STXBP4: variants seen among roughly 807,000 people sequenced by gnomAD.
STXBP4 encodes syntaxin-binding protein 4.
A neutral mutation model predicts 76.1 loss-of-function variants in STXBP4; 55 were observed. That is an observed-to-expected ratio of 0.72 (90% CI 0.58 to 0.91). The LOEUF is 0.91. Among genes scored for constraint, STXBP4 ranks in the 40% least tolerant of loss-of-function variants. The probability of loss-of-function intolerance (pLI) is 0.00; values close to 1 mark genes in which losing one functional copy is unlikely to be tolerated. For synonymous variants in STXBP4, 201 were observed against 220.2 expected, an observed-to-expected ratio of 0.91 and a Z score of 0.77; for missense variants, 618 against 636.9, an observed-to-expected ratio of 0.97 and a Z score of 0.32.
At chr17:55,127,992 ATT>A in intron 16 of STXBP4, among the ~76,000 whole-genome samples, 1 of 152,296 alleles carries the variant, frequency 6.6e-6, no homozygotes, top group East Asian at 1.9e-4. Flanking sequence ...CATTTCTAAA[ATT>A]GTATGTCTAT....
Position 55,000,230 on chromosome 17 carries a change from A to G in STXBP4, c.498+388A>G, listed in dbSNP as rs187101405. On this transcript the variant is annotated intron_variant, in intron 6 of 17. Coordinates refer to ENST00000376352, the MANE Select transcript of STXBP4 (RefSeq NM_178509.6). ...TTGTTCCTTAGCTTCTTTCCCACAC[A>G]GTGAGGCTAATCCCAGGCATCCAAT... The G allele has an allele frequency of 6.0e-3, 5,943 of 985,338 alleles. 24 individuals are homozygous for G. The highest frequency in any genetic ancestry group is 8.5e-3 in the Admixed American group (139 of 16,272). The allele number at this position is 985,338 out of a possible 1,614,324, so 61.0% of individuals were successfully genotyped here.
intron 11 of STXBP4, chr17:55,043,758 A>G: frequency 2.0e-6 from 2 of 1,007,068 alleles, no homozygotes; most frequent in Non-Finnish European, 2.9e-6. Flanking sequence ...TGGAATTAAT[A>G]TTATTTTAGA....
rs59653900 is a variant in STXBP4 at position 55,145,735 on chromosome 17, C to CTG, written c.1547+4382_1547+4383dup. 7.4e-3 allele frequency among the ~76,000 whole-genome samples: 1,116 copies of CTG among 151,278 alleles called. 14 individuals carry two copies. Among genetic ancestry groups the CTG allele is most frequent in the African/African-American group, 0.025 (1,029 of 41,314 alleles). On this transcript the variant is annotated intron_variant, in intron 17 of 17. Coordinates refer to ENST00000376352, the MANE Select transcript of STXBP4 (RefSeq NM_178509.6). ...TATATCTCTGTGTGTGTGTATGTTT[C>CTG]TGTGTGTGTGTGTGTACCAATGTAT...
intron 16 of STXBP4, among the ~76,000 whole-genome samples, chr17:55,087,960 T>A (rs2079360227): frequency 6.6e-6 from 1 of 152,186 alleles, no homozygotes; most frequent in African/African-American, 2.4e-5. Context: ...CATTTTATAG[T>A]TTTCCTTATA....
At chr17:54,982,005 T>A (rs1169809681) in intron 1 of STXBP4, among the ~76,000 whole-genome samples, 2 of 152,144 alleles carry the variant, frequency 1.3e-5, no homozygotes, top group African/African-American at 2.4e-5. Context: ...CAAACGTTAT[T>A]TAGTATACCA....
chr17:55,121,630 A>G (rs943462814), intron 16 of STXBP4, among the ~76,000 whole-genome samples: 7 of 152,072 alleles, frequency 4.6e-5, no homozygotes, highest in Non-Finnish European at 7.3e-5. Flanking sequence ...TTTGTAATCT[A>G]TGGCAGACTT....
intron 16 of STXBP4, among the ~76,000 whole-genome samples, chr17:55,132,020 G>T (rs901197112): frequency 6.6e-6 from 1 of 152,096 alleles, no homozygotes; most frequent in Non-Finnish European, 1.5e-5. Context: ...ACTGCACCTG[G>T]GCAACAGCAG....
intron 12 of STXBP4, among the ~76,000 whole-genome samples, chr17:55,063,100 A>G (rs1264606627): frequency 1.3e-5 from 2 of 152,202 alleles, no homozygotes; most frequent in African/African-American, 4.8e-5. Flanking sequence ...TGGAGAAGGA[A>G]CACCAGCACA....
At chr17:55,105,588 G>A (rs1278069451) in intron 16 of STXBP4, among the ~76,000 whole-genome samples, 2 of 150,590 alleles carry the variant, frequency 1.3e-5, no homozygotes, top group Non-Finnish European at 2.9e-5. Flanking sequence ...TCCTGCCTCA[G>A]CCTCCCAAGT....
At chr17:55,010,579 T>G (rs1236429018) in intron 8 of STXBP4, among the ~76,000 whole-genome samples, 1 of 152,126 alleles carries the variant, frequency 6.6e-6, no homozygotes, top group Admixed American at 6.5e-5. Context: ...ACTTAGCAAA[T>G]AGGGATACAA....
chr17:55,036,783 G>A (rs1383897077), intron 10 of STXBP4, among the ~76,000 whole-genome samples: 1 of 151,868 alleles, frequency 6.6e-6, no homozygotes, highest in African/African-American at 2.4e-5. Context: ...AACAAAAATT[G>A]CACTTTTATT....
intron 17 of STXBP4, among the ~76,000 whole-genome samples, chr17:55,154,705 A>G (rs1233088468): frequency 6.6e-6 from 1 of 152,162 alleles, no homozygotes; most frequent in East Asian, 1.9e-4. Context: ...ATTATTTGAA[A>G]AAATGTAATT....
chr17:55,021,067 G>T (rs2078302395), intron 8 of STXBP4, among the ~76,000 whole-genome samples: 1 of 152,050 alleles, frequency 6.6e-6, no homozygotes, highest in African/African-American at 2.4e-5. Flanking sequence ...ACCTAAGGAA[G>T]ACATATTCTG....
At chr17:55,202,027 GTATCAT>G in the STXBP4 span, among the ~76,000 whole-genome samples, 2 of 152,138 alleles carry the variant, frequency 1.3e-5, no homozygotes, top group East Asian at 1.9e-4. Context: ...TTATTCTTTA[GTATCAT>G]TTATATCAGT....
In STXBP4 at chr17:54,999,757, GT is replaced by G; in HGVS notation, c.414del (p.Leu139PhefsTer9). 1.2e-6 allele frequency: 2 copies of G among 1,613,572 alleles called. No homozygotes were observed. Among genetic ancestry groups the G allele is most frequent in the Non-Finnish European group, 1.7e-6 (2 of 1,179,732 alleles). On this transcript the variant is annotated frameshift_variant, in exon 6 of 18. Transcript: ENST00000376352. LOFTEE classifies it high-confidence loss of function. ...GEYGPQASTL[S>X]LFSSPPEILI... ...TATGGACCTCAAGCCTCAACATTAA[GT>G]CTTTTTTCTTCTCCTCCTGAAATAC...
At chr17:55,091,210 G>A (rs2079409478) in intron 16 of STXBP4, among the ~76,000 whole-genome samples, 1 of 152,060 alleles carries the variant, frequency 6.6e-6, no homozygotes. Flanking sequence ...CTACAGGTGG[G>A]GAATATAAAT....
chr17:55,054,191 G>A (rs531187300), intron 12 of STXBP4, among the ~76,000 whole-genome samples: 3 of 152,018 alleles, frequency 2.0e-5, no homozygotes, highest in African/African-American at 7.2e-5. Flanking sequence ...ATCTTATATG[G>A]TTCACAGTGA....
intron 11 of STXBP4, among the ~76,000 whole-genome samples, chr17:55,046,240 A>T (rs1172547753): frequency 6.6e-6 from 1 of 152,046 alleles, no homozygotes; most frequent in Non-Finnish European, 1.5e-5. Context: ...AGGAGCCAGC[A>T]GTCTCTTGGC....
chr17:55,140,031 C>T (rs1024867269), intron 16 of STXBP4, among the ~76,000 whole-genome samples: 1 of 152,174 alleles, frequency 6.6e-6, no homozygotes, highest in Admixed American at 6.5e-5. Context: ...AGGCCAAGCA[C>T]GGTGGCTCAC....
Sources: gnomAD v4.1 joint callset for allele counts (sites outside exome capture counted in the v4.1 genomes callset) on GRCh38, gnomAD v4.1.1 for gene constraint, MANE v1.5 for transcripts, NCBI Gene and HGNC (gene_info 2026-07-23, HGNC 2026-07-21) for gene names.